Variants in DOCK1 observed in about 807,000 individuals in gnomAD.
The protein encoded by DOCK1 is dedicator of cytokinesis 1, also known as dedicator of cytokinesis protein 1.
In DOCK1, 138 loss-of-function variants were observed where a neutral mutation model predicts 262.7. The observed-to-expected ratio is 0.53, with a 90% confidence interval of 0.46 to 0.61. The LOEUF (loss-of-function observed/expected upper bound fraction) is 0.61. Among genes scored for constraint, DOCK1 ranks in the 20% least tolerant of loss-of-function variants. DOCK1 has a pLI of 0.00. For missense variants in DOCK1, 1,908 were observed against 2,370.7 expected (o/e 0.80, Z 4.05); for synonymous variants, 866 against 867.4 (o/e 1.00, Z 0.03).
chr10:127,265,513 T>C (rs773285400), intron 29 of DOCK1, among the ~76,000 whole-genome samples: 7 of 152,194 alleles, frequency 4.6e-5, no homozygotes, highest in Non-Finnish European at 8.8e-5. Flanking sequence ...CATTTCTCTG[T>C]GGCCTCTCCT....
intron 1 of DOCK1, among the ~76,000 whole-genome samples, chr10:126,942,907 A>G (rs1220791502): frequency 1.3e-5 from 2 of 152,290 alleles, no homozygotes; most frequent in East Asian, 3.9e-4. Flanking sequence ...GATTTTAGTT[A>G]CTATCCTAAA....
chr10:127,025,467 G>C, intron 15 of DOCK1, among the ~76,000 whole-genome samples: 1 of 151,876 alleles, frequency 6.6e-6, no homozygotes, highest in South Asian at 2.1e-4. Context: ...CTTTTTTTGA[G>C]ACGGAGTCTC....
At chr10:127,285,888 A>T (rs192939655) in intron 29 of DOCK1, among the ~76,000 whole-genome samples, 149 of 152,284 alleles carry the variant, frequency 9.8e-4, no homozygotes, top group African/African-American at 3.4e-3. Context: ...AAACTACCTA[A>T]GCAGGTCAGT....
intron 1 of DOCK1, among the ~76,000 whole-genome samples, chr10:126,945,040 T>TAG (rs2035288568): frequency 2.0e-5 from 3 of 152,040 alleles, no homozygotes; most frequent in African/African-American, 7.2e-5. Context: ...GGTTTCACTA[T>TAG]GTCAGTCAAG....
At chr10:127,250,962 GACA>G (rs1228153379) in intron 28 of DOCK1, among the ~76,000 whole-genome samples, 1 of 151,850 alleles carries the variant, frequency 6.6e-6, no homozygotes, top group African/African-American at 2.4e-5. Flanking sequence ...TTTCAACTCT[GACA>G]ACGATTTTTT....
At chr10:127,015,302 A>G (rs1315763727) in intron 12 of DOCK1, 1 of 151,502 alleles carries the variant, frequency 6.6e-6, no homozygotes, top group Non-Finnish European at 1.5e-5. Flanking sequence ...TCTCCCATTC[A>G]TCTTCACCCT....
At chr10:126,974,547 T>G (rs943577036) in intron 2 of DOCK1, among the ~76,000 whole-genome samples, 2 of 152,120 alleles carry the variant, frequency 1.3e-5, no homozygotes, top group Non-Finnish European at 2.9e-5. Context: ...AGGGAGAAGT[T>G]AATTCTGTAA....
intron 27 of DOCK1, chr10:127,137,893 G>T (rs542825513): frequency 2.5e-6 from 4 of 1,614,124 alleles, no homozygotes; most frequent in African/African-American, 1.3e-5. Flanking sequence ...TTGGATTTTT[G>T]CTTGGGAGTT....
chr10:127,147,856 C>T (rs576854334), intron 27 of DOCK1, among the ~76,000 whole-genome samples: 6 of 151,598 alleles, frequency 4.0e-5, no homozygotes, highest in Admixed American at 2.0e-4. Flanking sequence ...TATGGTGAAA[C>T]CCCATCTCTA....
intron 29 of DOCK1, among the ~76,000 whole-genome samples, chr10:127,259,661 G>T (rs978406692): frequency 6.6e-6 from 1 of 152,158 alleles, no homozygotes; most frequent in African/African-American, 2.4e-5. Context: ...TGTGGATTCC[G>T]TGGCCCTGGG....
At chr10:127,070,467 C>T (rs919305415) in intron 23 of DOCK1, among the ~76,000 whole-genome samples, 10 of 151,774 alleles carry the variant, frequency 6.6e-5, no homozygotes, top group South Asian at 2.1e-4. Context: ...TTTGCCAGGC[C>T]GGTCTCGAAC....
intron 34 of DOCK1, 45 bp downstream of exon 34, chr10:127,373,911 G>A (rs752315812): frequency 2.5e-5 from 39 of 1,569,842 alleles, no homozygotes; most frequent in Non-Finnish European, 2.8e-5. Flanking sequence ...GAGATACAGA[G>A]ACAGAGAGAC....
chr10:127,324,538 G>T (rs1237803203), intron 29 of DOCK1, among the ~76,000 whole-genome samples: 2 of 151,976 alleles, frequency 1.3e-5, no homozygotes, highest in Non-Finnish European at 2.9e-5. Flanking sequence ...GGCGGCTGAG[G>T]TCTCATCCAG....
intron 27 of DOCK1, among the ~76,000 whole-genome samples, chr10:127,218,844 AC>A (rs557967664): frequency 2.0e-5 from 3 of 152,200 alleles, no homozygotes; most frequent in Non-Finnish European, 4.4e-5. Context: ...AAATCAAGGC[AC>A]CAGCAAGTTT....
chr10:127,139,623 A>T (rs1383390356), intron 27 of DOCK1, among the ~76,000 whole-genome samples: 1 of 152,210 alleles, frequency 6.6e-6, no homozygotes, highest in Non-Finnish European at 1.5e-5. Context: ...TGCTGCATTA[A>T]TGAAATCCGG....
chr10:127,237,858 T>G (rs1807049101), intron 27 of DOCK1, among the ~76,000 whole-genome samples: 1 of 152,210 alleles, frequency 6.6e-6, no homozygotes, highest in South Asian at 2.1e-4. Context: ...CTCACTAGAT[T>G]GTGAGTAGAA....
chr10:127,422,400 C>T (rs964185876), intron 46 of DOCK1, among the ~76,000 whole-genome samples: 2 of 151,896 alleles, frequency 1.3e-5, no homozygotes, highest in African/African-American at 4.8e-5. Context: ...TTCTTGACCT[C>T]GTGATCCGCC....
intron 29 of DOCK1, among the ~76,000 whole-genome samples, chr10:127,259,008 G>A (rs974298255): frequency 2.6e-5 from 4 of 152,106 alleles, no homozygotes; most frequent in South Asian, 2.1e-4. Context: ...CCGTGGCTGC[G>A]GGAGTCCTAC....
At position 127,289,371 on chromosome 10, in the gene DOCK1, G is replaced by A. The variant is rs116961610; in HGVS notation, c.3044+31942G>A. On this transcript the variant is annotated intron_variant, in intron 29 of 51. Coordinates refer to ENST00000623213, the MANE Select transcript of DOCK1 (RefSeq NM_001290223.2). The stretch of plus-strand genomic sequence containing the variant: ...TTGCACCTGTCCTCTAATAATGGGC[G>A]TGTGATGGTTTTTCATCTTTTACTG... Among the ~76,000 whole-genome samples, 59 of 152,216 alleles carry A rather than the reference G, an allele frequency of 3.9e-4. No homozygotes were observed. The East Asian group carries it at 9.1e-3, about 23-fold the overall frequency.
Sources: allele counts gnomAD v4.1 joint callset (sites outside exome capture counted in the v4.1 genomes callset), GRCh38; gene constraint gnomAD v4.1.1; transcripts MANE v1.5; gene names NCBI Gene and HGNC (gene_info 2026-07-23, HGNC 2026-07-21).